The following ROBO1 variants were observed in gnomAD, a reference collection of about 807,000 sequenced individuals.
The protein encoded by ROBO1 is roundabout homolog 1.
A neutral mutation model predicts 195.9 loss-of-function variants in ROBO1; 149 were observed. The ratio of observed to expected loss-of-function variants is 0.76; its 90% CI spans 0.67 to 0.87. ROBO1 has a LOEUF of 0.87. ROBO1 is among the 40% of genes least tolerant of loss of function. The probability of loss-of-function intolerance (pLI) is 0.00; values close to 1 mark genes in which losing one functional copy is unlikely to be tolerated. For missense variants in ROBO1, 1,933 were observed against 2,068.3 expected (o/e 0.93, Z 1.27); for synonymous variants, 816 against 733.2 (o/e 1.11, Z -1.82).
intron 4 of ROBO1, among the ~76,000 whole-genome samples, chr3:78,758,364 A>G (rs1261080734): frequency 1.3e-5 from 2 of 151,888 alleles, no homozygotes; most frequent in Non-Finnish European, 2.9e-5. Context: ...TACAAAAAAT[A>G]TATATAAAAA....
intron 1 of ROBO1, among the ~76,000 whole-genome samples, chr3:79,721,974 T>C (rs1410275368): frequency 6.6e-6 from 1 of 152,218 alleles, no homozygotes; most frequent in Non-Finnish European, 1.5e-5. Context: ...CTAATGCTCT[T>C]TCTGTAGCTT....
chr3:79,490,606 G>A (rs1209312011), intron 2 of ROBO1, among the ~76,000 whole-genome samples: 1 of 152,184 alleles, frequency 6.6e-6, no homozygotes, highest in Non-Finnish European at 1.5e-5. Flanking sequence ...ACCTAAGTGT[G>A]ATTTTTCAAG....
chr3:78,859,851 C>T (rs190324776), intron 4 of ROBO1, among the ~76,000 whole-genome samples: 84 of 152,094 alleles, frequency 5.5e-4, no homozygotes, highest in Admixed American at 2.2e-3. Flanking sequence ...GAGGCCAAGG[C>T]GGGTGGATCA....
intron 2 of ROBO1, among the ~76,000 whole-genome samples, chr3:79,162,892 A>T (rs1427099063): frequency 6.6e-6 from 1 of 152,150 alleles, no homozygotes; most frequent in East Asian, 1.9e-4. Context: ...ATATGACCTC[A>T]GTTCCTGGAA....
At chr3:79,483,397 G>C (rs927819989) in intron 2 of ROBO1, among the ~76,000 whole-genome samples, 4 of 152,196 alleles carry the variant, frequency 2.6e-5, no homozygotes, top group African/African-American at 9.6e-5. Flanking sequence ...GAAGATTTTA[G>C]TTTTTGATAA....
chr3:78,734,725 G>A (rs945674507), intron 5 of ROBO1, among the ~76,000 whole-genome samples: 2 of 152,030 alleles, frequency 1.3e-5, no homozygotes, highest in African/African-American at 4.8e-5. Flanking sequence ...TATCAAAACT[G>A]AGGACTTTAA....
chr3:78,848,853 G>A (rs1274801892), intron 4 of ROBO1, among the ~76,000 whole-genome samples: 1 of 152,088 alleles, frequency 6.6e-6, no homozygotes, highest in Non-Finnish European at 1.5e-5. Flanking sequence ...GAGGGTGTGG[G>A]GGCTGGGCAG....
At chr3:78,914,938 T>C (rs1211643902) in intron 4 of ROBO1, among the ~76,000 whole-genome samples, 1 of 151,744 alleles carries the variant, frequency 6.6e-6, no homozygotes, top group Non-Finnish European at 1.5e-5. Context: ...AGGATCAGCA[T>C]AGAAAACTTG....
intron 7 of ROBO1, chr3:78,715,251 A>T (rs926511121): frequency 6.6e-6 from 1 of 152,212 alleles, no homozygotes; most frequent in Non-Finnish European, 1.5e-5. Flanking sequence ...CTAATATTTA[A>T]TGTATTAAAT....
chr3:78,852,750 GA>G (rs2034146720), intron 4 of ROBO1, among the ~76,000 whole-genome samples: 1 of 152,122 alleles, frequency 6.6e-6, no homozygotes, highest in Non-Finnish European at 1.5e-5. Flanking sequence ...CTTAAGGAAG[GA>G]AATGATAACT....
chr3:79,681,408 GTA>G (rs1946943865), intron 1 of ROBO1, among the ~76,000 whole-genome samples: 1 of 151,982 alleles, frequency 6.6e-6, no homozygotes, highest in African/African-American at 2.4e-5. Context: ...AAGCAGTTGA[GTA>G]TATAGAGAAT....
intron 1 of ROBO1, among the ~76,000 whole-genome samples, chr3:79,650,145 C>A (rs748273747): frequency 6.6e-6 from 1 of 151,730 alleles, no homozygotes; most frequent in Non-Finnish European, 1.5e-5. Flanking sequence ...ATATTAAATG[C>A]AGATTCTCTG....
intron 3 of ROBO1, among the ~76,000 whole-genome samples, chr3:78,994,071 T>C (rs1234765649): frequency 1.3e-5 from 2 of 152,176 alleles, no homozygotes; most frequent in African/African-American, 4.8e-5. Flanking sequence ...AATCTAGTCA[T>C]TTCAGCCAAA....
intron 4 of ROBO1, among the ~76,000 whole-genome samples, chr3:78,794,325 T>C (rs2084117909): frequency 6.6e-6 from 1 of 152,192 alleles, no homozygotes; most frequent in African/African-American, 2.4e-5. Context: ...ATATGTAAAA[T>C]AGAACAGAGC....
intron 8 of ROBO1, among the ~76,000 whole-genome samples, chr3:78,699,819 G>A (rs2081381545): frequency 6.6e-6 from 1 of 151,710 alleles, no homozygotes; most frequent in Non-Finnish European, 1.5e-5. Context: ...GTTGCCTCTA[G>A]TTCTGTTTAT....
Position 78,617,910 on chromosome 3 carries a change from ATGTCGGCT to A in ROBO1, c.3999_4006del (p.Glu1333AspfsTer17), listed in dbSNP as rs1704221371. The A allele has an allele frequency of 6.2e-7, 1 of 1,613,842 alleles. No homozygotes were observed. ...TCTGGTTTGCATCTTGGCTACCTCC[ATGTCGGCT>A]TCGTCTTCTTCCTCTTCTGGCGCAT... On this transcript the variant is annotated frameshift_variant, in exon 27 of 31. Coordinates refer to ENST00000464233, the MANE Select transcript of ROBO1 (RefSeq NM_002941.4). LOFTEE classifies it high-confidence loss of function.
At chr3:79,555,953 G>A (rs1291856366) in intron 2 of ROBO1, among the ~76,000 whole-genome samples, 1 of 152,028 alleles carries the variant, frequency 6.6e-6, no homozygotes, top group East Asian at 1.9e-4. Context: ...TATGTGATTT[G>A]CCATGTGTGT....
intron 1 of ROBO1, among the ~76,000 whole-genome samples, chr3:79,734,829 C>T (rs746581466): frequency 3.6e-4 from 54 of 152,020 alleles, no homozygotes; most frequent in Non-Finnish European, 6.8e-4. Context: ...TAACGACCCT[C>T]TCAATCACAA....
At chr3:79,423,487 C>T (rs567238759) in intron 2 of ROBO1, among the ~76,000 whole-genome samples, 9 of 152,130 alleles carry the variant, frequency 5.9e-5, no homozygotes, top group Non-Finnish European at 1.0e-4. Flanking sequence ...GCCTGCATTC[C>T]GATCCTGATA....
Sources: allele counts gnomAD v4.1 joint callset (sites outside exome capture counted in the v4.1 genomes callset), GRCh38; gene constraint gnomAD v4.1.1; transcripts MANE v1.5; gene names NCBI Gene and HGNC (gene_info 2026-07-23, HGNC 2026-07-21).